The following NWD1 variants were observed in gnomAD, a reference collection of about 807,000 sequenced individuals.
NWD1 encodes the protein NACHT domain- and WD repeat-containing protein 1.
A neutral mutation model predicts 135.1 loss-of-function variants in NWD1; 129 were observed. That is an observed-to-expected ratio of 0.96 (90% CI 0.83 to 1.11). NWD1 has a LOEUF of 1.11. Ranked by LOEUF, NWD1 falls within the 50% of genes least tolerant of loss-of-function variation. The pLI, the probability that NWD1 is intolerant of heterozygous loss-of-function variation, is 0.00. For missense variants in NWD1, 1,740 were observed against 1,851.3 expected, an observed-to-expected ratio of 0.94 and a Z score of 1.10; for synonymous variants, 773 against 786.0, an observed-to-expected ratio of 0.98 and a Z score of 0.28.
rs746175020 is a variant in NWD1, at chr19:16,748,420, C to T, written c.497-719C>T. ...GATACCTGGGAGTGGAATTGCTGGGCGTGATAGTAACTCCATGTTTCACTT... is the reference window on the plus strand; with the variant it reads ...GATACCTGGGAGTGGAATTGCTGGGTGTGATAGTAACTCCATGTTTCACTT... On this transcript the variant is annotated intron_variant, in intron 5 of 18. Transcript: ENST00000524140. Among the ~76,000 whole-genome samples, 7 of 152,184 alleles carry T rather than the reference C, an allele frequency of 4.6e-5. No individual in the cohort carries two copies. In the East Asian group the frequency reaches 7.7e-4, roughly 17 times the overall value.
rs959341333 is a variant in NWD1 at position 16,782,519 on chromosome 19, T to G, written c.2731+3054T>G. The stretch of plus-strand genomic sequence containing the variant: ...TGGGGGTGGAGAAGGTCTAAAGAGC[T>G]GAATCAAATTTCTATTAGAGATGAC... On this transcript the variant is annotated intron_variant, in intron 12 of 18. Coordinates refer to ENST00000524140, the MANE Select transcript of NWD1 (RefSeq NM_001007525.5). Among the ~76,000 whole-genome samples the G allele has an allele frequency of 3.9e-5, 6 of 151,970 alleles. No individual in the cohort carries two copies. In the East Asian group the frequency reaches 1.2e-3, roughly 29 times the overall value.
intron 4 of NWD1, among the ~76,000 whole-genome samples, chr19:16,739,081 T>A (rs1409119614): frequency 1.3e-5 from 2 of 150,034 alleles, no homozygotes; most frequent in Admixed American, 1.3e-4. Flanking sequence ...CTTTAAAATA[T>A]ATCCTAATGT....
At chr19:16,747,508 C>T (rs1471389281) in intron 5 of NWD1, among the ~76,000 whole-genome samples, 2 of 151,818 alleles carry the variant, frequency 1.3e-5, no homozygotes, top group Non-Finnish European at 2.9e-5. Context: ...TTCCCAGTAG[C>T]TGGGACCGCA....
At chr19:16,735,660 C>T (rs911222771) in intron 3 of NWD1, among the ~76,000 whole-genome samples, 12 of 151,444 alleles carry the variant, frequency 7.9e-5, no homozygotes, top group Admixed American at 2.6e-4. Flanking sequence ...GAAACCTTAT[C>T]TCTACTAAAA....
chr19:16,798,699 T>A (rs1485089936), intron 16 of NWD1, among the ~76,000 whole-genome samples: 2 of 152,186 alleles, frequency 1.3e-5, no homozygotes, highest in Non-Finnish European at 2.9e-5. Flanking sequence ...TGATCTCAGC[T>A]CACTGCAACC....
chr19:16,750,564 C>G lies in NWD1; in HGVS notation c.1769+153C>G, dbSNP rs115698605. ...CCAACTCCCAGGCTCAAGTGATCCT[C>G]ACGCCTCACCTGCTGAGTAGCTGGG... On this transcript the variant is annotated intron_variant, in intron 6 of 18. Coordinates refer to ENST00000524140, the MANE Select transcript of NWD1 (RefSeq NM_001007525.5). 7.9e-3 allele frequency among the ~76,000 whole-genome samples: 1,201 copies of G among 152,278 alleles called. 10 individuals carry two copies. Among genetic ancestry groups the G allele is most frequent in the African/African-American group, 0.027 (1,123 of 41,560 alleles).
Position 16,797,793 on chromosome 19 carries a change from C to T in NWD1, c.3366C>T (p.Ala1122=), listed in dbSNP as rs370676815. The T allele has an allele frequency of 6.2e-6, 10 of 1,613,908 alleles. No individual in the cohort carries two copies. In the African/African-American group the frequency reaches 9.3e-5, roughly 15 times the overall value. ...CGAGGGGCTTTCGCCGATTCATGGC[C>T]ATGGATCTGGAACATGAAGACATGG... ...ADSRGFRRFM[A]MDLEHEDMVE... Residue 1122 remains alanine, a synonymous_variant, in exon 16 of 19, where the codon GCC becomes GCT. Coordinates refer to ENST00000524140, the MANE Select transcript of NWD1 (RefSeq NM_001007525.5).
intron 9 of NWD1, 49 bp downstream of exon 9, chr19:16,763,994 C>A: frequency 9.1e-7 from 1 of 1,103,724 alleles, no homozygotes; most frequent in Non-Finnish European, 1.4e-6. Flanking sequence ...GACTGCACCA[C>A]GCTCCAGTCT....
chr19:16,788,934 C>T (rs1970147511), intron 12 of NWD1, 48 bp from the exon 13 acceptor site: 3 of 1,424,840 alleles, frequency 2.1e-6, no homozygotes, highest in South Asian at 2.3e-5. Context: ...GTTGCAAGGC[C>T]AAAATGTTCC....
intron 12 of NWD1, among the ~76,000 whole-genome samples, chr19:16,786,099 A>C (rs1453861294): frequency 6.6e-6 from 1 of 152,016 alleles, no homozygotes; most frequent in Non-Finnish European, 1.5e-5. Flanking sequence ...CCCTGACCTC[A>C]ACTGATTCAC....
chr19:16,791,641 T>C lies in NWD1; in HGVS notation c.3213+19T>C, dbSNP rs1454614309. The C allele has an allele frequency of 1.2e-6, 2 of 1,611,268 alleles. No homozygotes were observed. The highest frequency in any genetic ancestry group is 1.7e-6 in the Non-Finnish European group (2 of 1,177,644). ...CTCTTTGGTAAGCACCTTTACTGAC[T>C]ATGATGTGAACATTAACTCAGCTTG... On this transcript the variant is annotated intron_variant, in intron 14 of 18. Coordinates refer to ENST00000524140, the MANE Select transcript of NWD1 (RefSeq NM_001007525.5).
chr19:16,764,838 G>A (rs776177980), intron 9 of NWD1, among the ~76,000 whole-genome samples, 196 bp from the exon 10 acceptor site: 9 of 152,118 alleles, frequency 5.9e-5, no homozygotes, highest in Non-Finnish European at 8.8e-5. Context: ...GTATCTGGTG[G>A]GTGGAGGCCA....
At chr19:16,741,368 GT>G (rs11292982) in intron 4 of NWD1, among the ~76,000 whole-genome samples, 37,252 of 124,556 alleles carry the variant, frequency 0.3, 3,974 homozygotes, top group Middle Eastern at 0.44. Context: ...TTGTTTTTGT[GT>G]TTTTTTTTTT....
At chr19:16,729,274 C>T (rs1354127969) in intron 2 of NWD1, among the ~76,000 whole-genome samples, 2 of 152,082 alleles carry the variant, frequency 1.3e-5, no homozygotes, top group Non-Finnish European at 2.9e-5. Context: ...GGACCCTGCT[C>T]ACCTCCCCAA....
Position 16,731,183 on chromosome 19 carries a change from T to G in NWD1, c.-6-9T>G. 1 of 1,488,654 alleles carries G rather than the reference T, an allele frequency of 6.7e-7. No individual in the cohort carries two copies. Among genetic ancestry groups the G allele is most frequent in the Non-Finnish European group, 9.1e-7 (1 of 1,103,804 alleles). 92.2% of individuals were successfully genotyped at this position (1,488,654 alleles called of 1,614,324 possible). A position where few individuals can be genotyped will look rare whatever the true frequency, so the allele number is the denominator to read the frequency against. ...TTTCCACTAATACCCTCCATGCCCTTCCTTGCAGATATGGATGCAGAGAGG... is the reference window on the plus strand; with the variant it reads ...TTTCCACTAATACCCTCCATGCCCTGCCTTGCAGATATGGATGCAGAGAGG... On this transcript the variant is annotated splice_polypyrimidine_tract_variant and intron_variant, in intron 2 of 18. Transcript: ENST00000524140.
intron 17 of NWD1, among the ~76,000 whole-genome samples, chr19:16,801,946 G>A (rs182977249): frequency 6.9e-4 from 105 of 151,988 alleles, no homozygotes; most frequent in African/African-American, 2.3e-3. Context: ...GCTTGAGGCC[G>A]GGAGTTCAAG....
intron 3 of NWD1, among the ~76,000 whole-genome samples, chr19:16,734,724 C>G (rs978888066): frequency 7.2e-6 from 1 of 138,594 alleles, no homozygotes; most frequent in African/African-American, 2.9e-5. Context: ...GCACACACCA[C>G]TACACCTGGC....
chr19:16,811,610 A>G (rs1970927453), intron 18 of NWD1, among the ~76,000 whole-genome samples: 1 of 151,724 alleles, frequency 6.6e-6, no homozygotes, highest in Non-Finnish European at 1.5e-5. Flanking sequence ...AGAAAGAAAG[A>G]AAGAAAAAAG....
intron 3 of NWD1, among the ~76,000 whole-genome samples, chr19:16,732,380 C>CTGT (rs1967607101): frequency 1.3e-5 from 2 of 151,886 alleles, no homozygotes; most frequent in South Asian, 2.1e-4. Flanking sequence ...ATTTAACTGT[C>CTGT]TGTTGTTGTT....
Sources: gnomAD v4.1 joint callset for allele counts (sites outside exome capture counted in the v4.1 genomes callset) on GRCh38, gnomAD v4.1.1 for gene constraint, MANE v1.5 for transcripts, NCBI Gene and HGNC (gene_info 2026-07-23, HGNC 2026-07-21) for gene names.